Variants in CCDC179 observed in about 807,000 individuals in gnomAD.
CCDC179 encodes the protein coiled-coil domain containing 179.
A neutral mutation model predicts 12.0 loss-of-function variants in CCDC179; 17 were observed. The observed-to-expected ratio is 1.42, with a 90% confidence interval of 0.97 to 2.13. CCDC179 has a LOEUF of 2.13. Ranked by LOEUF, CCDC179 falls within the 30% of genes most tolerant of loss-of-function variation. The probability of loss-of-function intolerance (pLI) is 0.00; values close to 1 mark genes in which losing one functional copy is unlikely to be tolerated. For missense variants in CCDC179, 83 were observed against 78.6 expected, an observed-to-expected ratio of 1.06 and a Z score of -0.21; for synonymous variants, 27 against 26.4, an observed-to-expected ratio of 1.02 and a Z score of -0.07.
intron 2 of CCDC179, among the ~76,000 whole-genome samples, chr11:22,858,822 G>A (rs1372975227): frequency 2.0e-5 from 3 of 151,906 alleles, no homozygotes; most frequent in African/African-American, 7.2e-5. Context: ...ATAACACAAT[G>A]TCCATAAACA....
chr11:22,855,976 A>G (rs1379707194), intron 3 of CCDC179, among the ~76,000 whole-genome samples: 2 of 151,442 alleles, frequency 1.3e-5, no homozygotes, highest in Admixed American at 6.6e-5. Flanking sequence ...TAAAATTCAC[A>G]CAAGACATAG....
intron 3 of CCDC179, among the ~76,000 whole-genome samples, chr11:22,854,921 A>T (rs187771780): frequency 7.5e-4 from 114 of 151,908 alleles, no homozygotes; most frequent in Admixed American, 1.6e-3. Flanking sequence ...TTGCATTATT[A>T]ATTTCAGACA....
chr11:22,851,807 C>A (rs1324075452), intron 3 of CCDC179, among the ~76,000 whole-genome samples: 3 of 152,248 alleles, frequency 2.0e-5, no homozygotes. Context: ...TATGCATGAG[C>A]TTTAATTAAA....
chr11:22,853,860 C>G, intron 3 of CCDC179, among the ~76,000 whole-genome samples: 1 of 151,950 alleles, frequency 6.6e-6, no homozygotes, highest in Non-Finnish European at 1.5e-5. Context: ...GCAGGATAAA[C>G]ACCAGATAAA....
intron 3 of CCDC179, among the ~76,000 whole-genome samples, 178 bp downstream of exon 3, chr11:22,857,744 G>T (rs989992608): frequency 4.0e-5 from 6 of 151,642 alleles, no homozygotes; most frequent in African/African-American, 1.2e-4. Flanking sequence ...ATCACCTCCA[G>T]GAGATGACAG....
In CCDC179 at chr11:22,848,864, A is replaced by G. The variant is rs868782419; in HGVS notation, c.196-1343T>C. 1.3e-3 allele frequency among the ~76,000 whole-genome samples: 191 copies of G among 152,324 alleles called. 1 individual carries two copies. Among genetic ancestry groups the G allele is most frequent in the African/African-American group, 4.2e-3 (175 of 41,572 alleles). On this transcript the variant is annotated intron_variant, in intron 3 of 3. Transcript: ENST00000532798. The stretch of plus-strand genomic sequence containing the variant: ...AAGATTAATAGAGAAATTGAGAGTA[A>G]ACATTTGTATTCATTTGTAACAGTT...
chr11:22,859,475 G>A lies in CCDC179; in HGVS notation c.67C>T (p.Pro23Ser), dbSNP rs1410261367. 1.3e-5 allele frequency: 20 copies of A among 1,501,628 alleles called. No individual in the cohort carries two copies. Among genetic ancestry groups the A allele is most frequent in the Non-Finnish European group, 1.7e-5 (19 of 1,127,686 alleles). 93.0% of individuals were successfully genotyped at this position (1,501,628 alleles called of 1,614,324 possible). A position where few individuals can be genotyped will look rare whatever the true frequency, so the allele number is the denominator to read the frequency against. Reference sequence around the variant, plus strand: ...ACCTGCCGCTCAGTGACCTCTGAAGGATGATGTTGTCTTGGTCCTTCCTAT... The same window carrying A: ...ACCTGCCGCTCAGTGACCTCTGAAGAATGATGTTGTCTTGGTCCTTCCTAT... ...VNPEGPRQHHPSEVTERQLAN... is the reference protein window; with the variant it reads ...VNPEGPRQHHSSEVTERQLAN... The change falls in exon 2 of 4, where the codon CCT becomes TCT. Residue 23 changes from proline to serine, a missense_variant. Transcript: ENST00000532798.
intron 3 of CCDC179, among the ~76,000 whole-genome samples, chr11:22,851,404 C>T (rs1451483292): frequency 6.6e-6 from 1 of 152,246 alleles, no homozygotes; most frequent in South Asian, 2.1e-4. Context: ...AAAGTACTTT[C>T]TTCCATGCTA....
At chr11:22,850,443 G>A (rs1377160861) in intron 3 of CCDC179, among the ~76,000 whole-genome samples, 1 of 152,066 alleles carries the variant, frequency 6.6e-6, no homozygotes, top group East Asian at 1.9e-4. Flanking sequence ...CCATTTTATG[G>A]CTGTTCTATT....
At chr11:22,857,425 T>A (rs535772207) in intron 3 of CCDC179, among the ~76,000 whole-genome samples, 3 of 151,744 alleles carry the variant, frequency 2.0e-5, no homozygotes, top group African/African-American at 4.8e-5. Flanking sequence ...GATAGTCTTT[T>A]CAACAAATGG....
chr11:22,856,221 G>A (rs1858526507), intron 3 of CCDC179, among the ~76,000 whole-genome samples: 1 of 151,368 alleles, frequency 6.6e-6, no homozygotes, highest in Non-Finnish European at 1.5e-5. Flanking sequence ...TAAAAGACAG[G>A]AAAATGACAG....
At chr11:22,851,828 G>A (rs899320843) in intron 3 of CCDC179, among the ~76,000 whole-genome samples, 1 of 152,180 alleles carries the variant, frequency 6.6e-6, no homozygotes, top group African/African-American at 2.4e-5. Flanking sequence ...AACTCTGGGT[G>A]TAGAGAGGAC....
intron 2 of CCDC179, 65 bp from the exon 3 acceptor site, chr11:22,858,091 AT>A: frequency 9.6e-7 from 1 of 1,037,014 alleles, no homozygotes; most frequent in Non-Finnish European, 1.3e-6. Flanking sequence ...TAACATTCTG[AT>A]TACATTTTTG....
In CCDC179 at chr11:22,847,481, T is replaced by A. The variant is rs1026421297; in HGVS notation, c.*29A>T. On this transcript the variant is annotated 3_prime_UTR_variant, in exon 4 of 4. Coordinates refer to ENST00000532798, the MANE Select transcript of CCDC179 (RefSeq NM_001195637.2). The stretch of plus-strand genomic sequence containing the variant: ...AATCCACATATTTCTGTCTGGAGCA[T>A]GGTTTCCTTCAAATAGACTCCTGCT... The A allele has an allele frequency of 5.0e-6, 7 of 1,404,346 alleles. No individual in the cohort carries two copies. The African/African-American group carries it at 1.0e-4, about 20-fold the overall frequency. 87.0% of individuals were successfully genotyped at this position (1,404,346 alleles called of 1,614,324 possible).
Position 22,850,267 on chromosome 11 carries a change from G to A in CCDC179, c.196-2746C>T, listed in dbSNP as rs534996799. ...ATTTGGAGCTGCTTTTCATTAAAGG[G>A]AAAACCTTAACAAGGACTTCCATAC... On this transcript the variant is annotated intron_variant, in intron 3 of 3. Coordinates refer to ENST00000532798, the MANE Select transcript of CCDC179 (RefSeq NM_001195637.2). Among the ~76,000 whole-genome samples, 113 of 152,294 alleles carry A rather than the reference G, an allele frequency of 7.4e-4. No homozygotes were observed. In the Middle Eastern group the frequency reaches 0.01, roughly 14 times the overall value.
chr11:22,850,292 C>A (rs764903086), intron 3 of CCDC179, among the ~76,000 whole-genome samples: 1 of 152,192 alleles, frequency 6.6e-6, no homozygotes, highest in Non-Finnish European at 1.5e-5. Flanking sequence ...GACTTCCATA[C>A]CCTTACTATC....
At chr11:22,851,316 C>T (rs925871993) in intron 3 of CCDC179, among the ~76,000 whole-genome samples, 4 of 151,802 alleles carry the variant, frequency 2.6e-5, no homozygotes, top group African/African-American at 4.8e-5. Flanking sequence ...AACTTTTACT[C>T]ATAATATAAA....
chr11:22,857,432 A>G (rs1421790487), intron 3 of CCDC179, among the ~76,000 whole-genome samples: 1 of 151,702 alleles, frequency 6.6e-6, no homozygotes, highest in Non-Finnish European at 1.5e-5. Context: ...TTTTCAACAA[A>G]TGGTACTAGA....
chr11:22,855,481 AT>A (rs1361303767), intron 3 of CCDC179, among the ~76,000 whole-genome samples: 2 of 151,588 alleles, frequency 1.3e-5, no homozygotes, highest in African/African-American at 4.8e-5. Context: ...TTCAAAAGAA[AT>A]TTAGAATATT....
Sources: gnomAD v4.1 joint callset for allele counts (sites outside exome capture counted in the v4.1 genomes callset) on GRCh38, gnomAD v4.1.1 for gene constraint, MANE v1.5 for transcripts, NCBI Gene and HGNC (gene_info 2026-07-23, HGNC 2026-07-21) for gene names.